The following RFPL3 variants were observed in gnomAD, a reference collection of about 807,000 sequenced individuals.
The protein encoded by RFPL3 is ret finger protein-like 3.
Under a neutral mutation model 8.7 loss-of-function variants are expected in RFPL3, and 8 were observed. The observed-to-expected ratio is 0.92, with a 90% CI of 0.54 to 1.66. The LOEUF is 1.66. Ranked by LOEUF, RFPL3 falls within the 40% of genes most tolerant of loss-of-function variation. The pLI, the probability that RFPL3 is intolerant of heterozygous loss-of-function variation, is 0.00. For missense variants in RFPL3, 341 were observed against 395.0 expected, an observed-to-expected ratio of 0.86 and a Z score of 1.16; for synonymous variants, 145 against 150.5, an observed-to-expected ratio of 0.96 and a Z score of 0.27.
rs1378517581 is a variant in RFPL3 at position 32,360,246 on chromosome 22, T to C, written c.374-6T>C. On this transcript the variant is annotated splice_polypyrimidine_tract_variant and splice_region_variant and intron_variant, in intron 1 of 1. Coordinates refer to ENST00000249007, the MANE Select transcript of RFPL3 (RefSeq NM_001098535.1). ...CTTGCTGAGCAACTTGTTTTCCTTTTCACAGTGGATATGACCTTGGATGCC... is the reference window on the plus strand; with the variant it reads ...CTTGCTGAGCAACTTGTTTTCCTTTCCACAGTGGATATGACCTTGGATGCC... The C allele has an allele frequency of 6.2e-7, 1 of 1,605,858 alleles. No individual in the cohort carries two copies. The highest frequency in any genetic ancestry group is 8.5e-7 in the Non-Finnish European group (1 of 1,174,142).
At chr22:32,359,140 C>T (rs1290901679) in intron 1 of RFPL3, among the ~76,000 whole-genome samples, 2 of 152,172 alleles carry the variant, frequency 1.3e-5, no homozygotes, top group Non-Finnish European at 2.9e-5. Context: ...CCTATAATGT[C>T]CCTGACACTG....
Position 32,360,355 on chromosome 22 carries a change from T to C in RFPL3, c.477T>C (p.Leu159=). The C allele has an allele frequency of 6.2e-7, 1 of 1,613,938 alleles. No individual in the cohort carries two copies. The highest frequency in any genetic ancestry group is 1.1e-5 in the South Asian group (1 of 91,068). The change falls in exon 2 of 2, where the codon CTT becomes CTC. Residue 159 remains leucine (L), a synonymous_variant. Transcript: ENST00000249007. ...SGLITQNRQD[L]AERFDVSVCI... ...TCATCACACAGAATCGGCAAGACCT[T>C]GCCGAGAGATTTGACGTGTCCGTTT...
At chr22:32,356,134 G>A (rs1202290094), upstream of RFPL3, among the ~76,000 whole-genome samples, 1 of 152,180 alleles carries the variant, frequency 6.6e-6, no homozygotes, top group African/African-American at 2.4e-5. Flanking sequence ...GCTGGGCAGA[G>A]AGAAAAGAGG....
upstream of RFPL3, chr22:32,356,659 T>C (rs909590016): frequency 1.2e-5 from 3 of 256,750 alleles, no homozygotes; most frequent in Admixed American, 4.9e-5. Context: ...ATGGGTGGGG[T>C]GAGGGTCAGG....
At chr22:32,355,684 T>G (rs757585708), upstream of RFPL3, among the ~76,000 whole-genome samples, 17 of 150,990 alleles carry the variant, frequency 1.1e-4, no homozygotes, top group Non-Finnish European at 2.2e-4. Context: ...ATGCCTGGCT[T>G]TGGCAGGAGA....
At position 32,358,596 on chromosome 22, in the gene RFPL3, T is replaced by C. The variant is rs565391589; in HGVS notation, c.373+152T>C. 137 of 1,209,144 alleles carry C rather than the reference T, an allele frequency of 1.1e-4. No homozygotes were observed. In the African/African-American group the frequency reaches 1.7e-3, roughly 15 times the overall value. The allele number at this position is 1,209,144 out of a possible 1,614,324, so 74.9% of individuals were successfully genotyped here. A position where few individuals can be genotyped will look rare whatever the true frequency, so the allele number is the denominator to read the frequency against. On this transcript the variant is annotated intron_variant, in intron 1 of 1. Transcript: ENST00000249007. ...TCACATTCTCAGCCCTGACAACACA[T>C]AGAATCACCTGGTGATGTCAAAAAC...
upstream of RFPL3, chr22:32,354,992 G>A (rs527290843): frequency 1.3e-5 from 2 of 152,252 alleles, no homozygotes; most frequent in Admixed American, 6.5e-5. Context: ...CTCAGGAAGT[G>A]ACTCGTTTTC....
chr22:32,356,240 G>A (rs1440859320), upstream of RFPL3, among the ~76,000 whole-genome samples: 1 of 152,058 alleles, frequency 6.6e-6, no homozygotes, highest in Non-Finnish European at 1.5e-5. Flanking sequence ...ACTAGGGTAG[G>A]GACAGAGGGT....
intron 1 of RFPL3, among the ~76,000 whole-genome samples, chr22:32,359,370 A>C (rs1932755146): frequency 1.3e-5 from 2 of 152,062 alleles, no homozygotes; most frequent in African/African-American, 4.8e-5. Flanking sequence ...TAAAATCTAT[A>C]TTAGTGATCA....
upstream of RFPL3, chr22:32,356,696 C>G (rs148122014): frequency 6.5e-5 from 21 of 320,692 alleles, no homozygotes; most frequent in Middle Eastern, 1.0e-3. Context: ...TCAGGGGCCA[C>G]TGTCTTCTCC....
In RFPL3 at chr22:32,357,988, C is replaced by T. The variant is rs566430254; in HGVS notation, c.-84C>T. On this transcript the variant is annotated 5_prime_UTR_variant, in exon 1 of 2. The change creates a new upstream start codon in the 5' untranslated region. Transcript: ENST00000249007. ...CAATAGAACTTCAAATCTCTGAGGA[C>T]GGGGGGTGGGGGGATGTGCTTGAGT... 2.0e-4 allele frequency: 306 copies of T among 1,551,338 alleles called. 1 individual carries two copies. Among genetic ancestry groups the T allele is most frequent in the Admixed American group, 1.3e-3 (69 of 53,566 alleles).
chr22:32,359,110 C>A (rs56150811), intron 1 of RFPL3, among the ~76,000 whole-genome samples: 7,350 of 152,274 alleles, frequency 0.048, 235 homozygotes, highest in South Asian at 0.095. Flanking sequence ...AAGAATTACA[C>A]CTATAAATGG....
In RFPL3 at chr22:32,357,964, A is replaced by C; in HGVS notation, c.-108A>C. The C allele has an allele frequency of 2.6e-6, 4 of 1,545,272 alleles. No homozygotes were observed. The highest frequency in any genetic ancestry group is 3.5e-6 in the Non-Finnish European group (4 of 1,146,894). On this transcript the variant is annotated 5_prime_UTR_variant, in exon 1 of 2. Coordinates refer to ENST00000249007, the MANE Select transcript of RFPL3 (RefSeq NM_001098535.1). ...CACAGTGATGATTCGTGACTTTCCC[A>C]ATAGAACTTCAAATCTCTGAGGACG...
At position 32,360,644 on chromosome 22, in the gene RFPL3, G is replaced by C; in HGVS notation, c.766G>C (p.Val256Leu). 1 of 1,613,306 alleles carries C rather than the reference G, an allele frequency of 6.2e-7. No individual in the cohort carries two copies. The highest frequency in any genetic ancestry group is 8.5e-7 in the Non-Finnish European group (1 of 1,179,572). ...GIFLDMGMQN[V>L]SFFDAESGSH... is the part of the protein sequence containing the mutation. ...TTTTCTGGATATGGGCATGCAGAACGTTTCCTTTTTTGATGCTGAAAGTGG... is the reference window on the plus strand; with the variant it reads ...TTTTCTGGATATGGGCATGCAGAACCTTTCCTTTTTTGATGCTGAAAGTGG... Residue 256 changes from valine (V) to leucine (L), a missense_variant, in exon 2 of 2, where the codon GTT becomes CTT. Coordinates refer to ENST00000249007, the MANE Select transcript of RFPL3 (RefSeq NM_001098535.1).
chr22:32,358,214 A>G lies in RFPL3; in HGVS notation c.143A>G (p.Glu48Gly), dbSNP rs1932731116. 1.9e-6 allele frequency: 3 copies of G among 1,613,844 alleles called. No homozygotes were observed. The highest frequency in any genetic ancestry group is 1.3e-5 in the African/African-American group (1 of 74,908). ...TGTCCCGTCTGCTCAGACTATCTGGAAAAACCAATGTCCCTGGAGTGTGGA... is the reference window on the plus strand; with the variant it reads ...TGTCCCGTCTGCTCAGACTATCTGGGAAAACCAATGTCCCTGGAGTGTGGA... ...SSCPVCSDYLEKPMSLECGCT... is the reference protein window; with the variant it reads ...SSCPVCSDYLGKPMSLECGCT... The change falls in exon 1 of 2, where the codon GAA becomes GGA. Residue 48 changes from glutamate (E) to glycine (G), a missense_variant. By Grantham distance (98) the Glu-to-Gly change is moderately conservative. Transcript: ENST00000249007.
In RFPL3 at chr22:32,358,212, G is replaced by A. The variant is rs761943108; in HGVS notation, c.141G>A (p.Leu47=). ...GCTGTCCCGTCTGCTCAGACTATCT[G>A]GAAAAACCAATGTCCCTGGAGTGTG... ...ASSCPVCSDY[L]EKPMSLECGC... is the part of the protein sequence containing the mutation. Residue 47 remains leucine, a synonymous_variant, in exon 1 of 2, where the codon CTG becomes CTA. Transcript: ENST00000249007. The A allele has an allele frequency of 1.1e-5, 18 of 1,613,832 alleles. No homozygotes were observed. The highest frequency in any genetic ancestry group is 1.4e-5 in the Non-Finnish European group (16 of 1,179,876).
At chr22:32,360,002 G>A in intron 1 of RFPL3, 1 of 522,158 alleles carries the variant, frequency 1.9e-6, no homozygotes, top group Non-Finnish European at 3.3e-6. Flanking sequence ...ATGAAGAAAA[G>A]TTCAGTGAAG....
At chr22:32,360,217 T>C in intron 1 of RFPL3, 35 bp from the exon 2 acceptor site, 1 of 1,589,168 alleles carries the variant, frequency 6.3e-7, no homozygotes, top group Non-Finnish European at 8.6e-7. Flanking sequence ...TTGGCTTCTG[T>C]CCACTTGCTG....
At chr22:32,360,097 A>T in intron 1 of RFPL3, 155 bp from the exon 2 acceptor site, 1 of 950,140 alleles carries the variant, frequency 1.1e-6, no homozygotes, top group Non-Finnish European at 1.5e-6. Context: ...TGAAAATTTG[A>T]AATAGGGAAG....
Sources: gnomAD v4.1 joint callset for allele counts (sites outside exome capture counted in the v4.1 genomes callset) on GRCh38, gnomAD v4.1.1 for gene constraint, MANE v1.5 for transcripts, NCBI Gene and HGNC (gene_info 2026-07-23, HGNC 2026-07-21) for gene names.